The following PHKB variants were observed in gnomAD, a reference collection of about 807,000 sequenced individuals.
PHKB encodes the protein phosphorylase kinase regulatory subunit beta, also known as phosphorylase b kinase regulatory subunit beta.
In PHKB, 122 loss-of-function variants were observed where a neutral mutation model predicts 152.1. That is an observed-to-expected ratio of 0.80 (90% CI 0.69 to 0.93). The LOEUF (loss-of-function observed/expected upper bound fraction) is 0.93. PHKB is among the 40% of genes least tolerant of loss of function. The probability of loss-of-function intolerance (pLI) is 0.00; values close to 1 mark genes in which losing one functional copy is unlikely to be tolerated. For synonymous variants in PHKB, 436 were observed against 464.9 expected (o/e 0.94, Z 0.80); for missense variants, 1,304 against 1,328.4 (o/e 0.98, Z 0.29).
chr16:47,565,901 T>C (rs1971556652), intron 7 of PHKB: 1 of 1,132,944 alleles, frequency 8.8e-7, no homozygotes, highest in Non-Finnish European at 1.3e-6. Flanking sequence ...TCTGAGGCTT[T>C]AGATTCAGTT....
intron 10 of PHKB, among the ~76,000 whole-genome samples, chr16:47,591,285 C>T (rs1972024764): frequency 6.6e-6 from 1 of 152,154 alleles, no homozygotes; most frequent in East Asian, 1.9e-4. Flanking sequence ...TGCCACACAT[C>T]TGAAAAGCAT....
At chr16:47,547,788 A>G (rs1971200050) in intron 7 of PHKB, 1 of 472,394 alleles carries the variant, frequency 2.1e-6, no homozygotes, top group Non-Finnish European at 3.8e-6. Flanking sequence ...GTGTCAGTAC[A>G]TGCATGTCAG....
At chr16:47,486,240 C>A (rs969092333) in intron 1 of PHKB, among the ~76,000 whole-genome samples, 1 of 152,096 alleles carries the variant, frequency 6.6e-6, no homozygotes, top group Non-Finnish European at 1.5e-5. Context: ...AAGGCCTCCC[C>A]GATAATGTGG....
At chr16:47,544,559 A>C (rs1359457187) in intron 6 of PHKB, among the ~76,000 whole-genome samples, 2 of 152,206 alleles carry the variant, frequency 1.3e-5, no homozygotes, top group Non-Finnish European at 2.9e-5. Context: ...AAGAATATAT[A>C]TTCTGTTGAT....
intron 13 of PHKB, among the ~76,000 whole-genome samples, chr16:47,608,558 A>G (rs1972369685): frequency 6.6e-6 from 1 of 152,168 alleles, no homozygotes; most frequent in Non-Finnish European, 1.5e-5. Flanking sequence ...CAAAAAACAC[A>G]AAAATTAACC....
intron 26 of PHKB, among the ~76,000 whole-genome samples, chr16:47,683,375 A>G (rs1210735721): frequency 6.6e-6 from 1 of 152,218 alleles, no homozygotes; most frequent in Non-Finnish European, 1.5e-5. Context: ...GAGCCTACAG[A>G]GGCAGGCAGG....
intron 13 of PHKB, among the ~76,000 whole-genome samples, chr16:47,605,787 T>C (rs1972312386): frequency 6.6e-6 from 1 of 152,184 alleles, no homozygotes; most frequent in African/African-American, 2.4e-5. Context: ...AAATGTAACA[T>C]GTCTAAATAG....
intron 1 of PHKB, among the ~76,000 whole-genome samples, chr16:47,496,227 C>T (rs1296773232): frequency 2.0e-5 from 3 of 150,914 alleles, no homozygotes; most frequent in African/African-American, 7.3e-5. Flanking sequence ...TTAATTGTGA[C>T]CTTGAGTTGT....
chr16:47,631,718 A>G (rs573215687), intron 14 of PHKB, among the ~76,000 whole-genome samples: 2 of 152,212 alleles, frequency 1.3e-5, no homozygotes, highest in African/African-American at 2.4e-5. Context: ...TATGAATGAA[A>G]ACATGCAGTG....
chr16:47,686,217 C>T (rs1312013550), intron 26 of PHKB, among the ~76,000 whole-genome samples: 5 of 152,032 alleles, frequency 3.3e-5, no homozygotes, highest in East Asian at 1.9e-4. Context: ...TATCTTTGTG[C>T]GTGATACTAG....
intron 26 of PHKB, among the ~76,000 whole-genome samples, chr16:47,679,015 T>G (rs907433135): frequency 6.6e-6 from 1 of 152,236 alleles, no homozygotes; most frequent in African/African-American, 2.4e-5. Flanking sequence ...CAGCACCATT[T>G]ATTAAATAGG....
chr16:47,658,025 G>A (rs1448740110), intron 20 of PHKB, among the ~76,000 whole-genome samples: 1 of 152,098 alleles, frequency 6.6e-6, no homozygotes, highest in Non-Finnish European at 1.5e-5. Flanking sequence ...AGCAGATTAG[G>A]TCATATATCA....
intron 7 of PHKB, among the ~76,000 whole-genome samples, chr16:47,557,503 C>G (rs1432590547): frequency 6.6e-6 from 1 of 152,152 alleles, no homozygotes; most frequent in Non-Finnish European, 1.5e-5. Flanking sequence ...GGGCTAATAT[C>G]CAGAATCTAC....
chr16:47,512,613 T>C (rs191062962), intron 5 of PHKB, among the ~76,000 whole-genome samples: 1 of 152,310 alleles, frequency 6.6e-6, no homozygotes, highest in Admixed American at 6.5e-5. Flanking sequence ...TTTTGTCTTA[T>C]ATAATATATT....
At chr16:47,570,959 T>C (rs1971648290) in intron 7 of PHKB, among the ~76,000 whole-genome samples, 2 of 152,052 alleles carry the variant, frequency 1.3e-5, no homozygotes, top group African/African-American at 4.8e-5. Context: ...ACTGGGTTCT[T>C]TTTTTTTCCC....
Position 47,699,401 on chromosome 16 carries a change from G to C in PHKB, c.*35G>C. On this transcript the variant is annotated 3_prime_UTR_variant, in exon 31 of 31. Coordinates refer to ENST00000323584, the MANE Select transcript of PHKB (RefSeq NM_000293.3). ...TGTAGGAAGCTCTGTTGAGACACAT[G>C]TTCTGAAGTGTGTTGTGTTTCATGT... is the stretch of plus-strand genomic sequence containing the variant. 6.2e-7 allele frequency: 1 copy of C among 1,609,582 alleles called. No individual in the cohort carries two copies. The highest frequency in any genetic ancestry group is 1.3e-5 in the African/African-American group (1 of 74,962).
At chr16:47,656,319 G>C (rs1041769735) in intron 20 of PHKB, among the ~76,000 whole-genome samples, 3 of 152,074 alleles carry the variant, frequency 2.0e-5, no homozygotes, top group Non-Finnish European at 4.4e-5. Context: ...GCCTGGCCAA[G>C]TTTTACATTT....
At chr16:47,619,938 A>G (rs1210418379) in intron 14 of PHKB, among the ~76,000 whole-genome samples, 2 of 152,218 alleles carry the variant, frequency 1.3e-5, no homozygotes, top group East Asian at 1.9e-4. Flanking sequence ...CTGGAGTTCT[A>G]TAGCAAATGG....
chr16:47,596,440 T>G lies in PHKB; in HGVS notation c.1272T>G (p.Pro424=), dbSNP rs1013855291. 1 of 1,613,124 alleles carries G rather than the reference T, an allele frequency of 6.2e-7. No individual in the cohort carries two copies. Among genetic ancestry groups the G allele is most frequent in the Non-Finnish European group, 8.5e-7 (1 of 1,179,100 alleles). Residue 424 remains proline, a synonymous_variant, in exon 13 of 31, where the codon CCT becomes CCG. Coordinates refer to ENST00000323584, the MANE Select transcript of PHKB (RefSeq NM_000293.3). ...TTGTAGAATATGAAAAAAATAACCCTGGTAGTCAAAAACGATTTCCTAGCA... is the reference window on the plus strand; with the variant it reads ...TTGTAGAATATGAAAAAAATAACCCGGGTAGTCAAAAACGATTTCCTAGCA... ...ADFVEYEKNN[P]GSQKRFPSNC...
Sources: allele counts gnomAD v4.1 joint callset (sites outside exome capture counted in the v4.1 genomes callset), GRCh38; gene constraint gnomAD v4.1.1; transcripts MANE v1.5; gene names NCBI Gene and HGNC (gene_info 2026-07-23, HGNC 2026-07-21).